ZNF385D: variants seen among roughly 807,000 people sequenced by gnomAD.
ZNF385D encodes the protein zinc finger protein 659.
ZNF385D carries 15 observed loss-of-function variants against 35.8 expected under a neutral mutation model. That is an observed-to-expected ratio of 0.42 (90% CI 0.28 to 0.64). The LOEUF is 0.64. Ranked by LOEUF, ZNF385D falls within the 30% of genes least tolerant of loss-of-function variation. The pLI is 0.23. For synonymous variants in ZNF385D, 212 were observed against 186.8 expected (o/e 1.13, Z -1.10); for missense variants, 474 against 494.6 (o/e 0.96, Z 0.39).
intron 2 of ZNF385D, among the ~76,000 whole-genome samples, chr3:22,292,149 A>C (rs1420558560): frequency 6.6e-6 from 1 of 151,944 alleles, no homozygotes; most frequent in East Asian, 1.9e-4. Flanking sequence ...ACTTTCTACC[A>C]CCTTTATTAT....
intron 2 of ZNF385D, among the ~76,000 whole-genome samples, chr3:21,639,042 A>G (rs2065526568): frequency 6.6e-6 from 1 of 152,128 alleles, no homozygotes; most frequent in South Asian, 2.1e-4. Context: ...GAGCAACTCT[A>G]ATTTGTTATG....
intron 4 of ZNF385D, among the ~76,000 whole-genome samples, chr3:21,447,986 C>T (rs912409996): frequency 6.6e-6 from 1 of 152,144 alleles, no homozygotes; most frequent in African/African-American, 2.4e-5. Flanking sequence ...CCCATCTGGA[C>T]TCAGGCATTT....
chr3:21,782,134 AC>A (rs1243934946), intron 3 of ZNF385D, among the ~76,000 whole-genome samples: 3 of 152,050 alleles, frequency 2.0e-5, no homozygotes, highest in African/African-American at 7.2e-5. Context: ...TCATTCAGAG[AC>A]AATGCTGCAT....
At chr3:22,033,974 C>T (rs1036298416) in intron 3 of ZNF385D, among the ~76,000 whole-genome samples, 6 of 152,290 alleles carry the variant, frequency 3.9e-5, no homozygotes, top group East Asian at 1.9e-4. Flanking sequence ...AAACCTGAGA[C>T]GGTTTGCTTA....
chr3:22,004,941 C>G (rs1421408782), intron 3 of ZNF385D, among the ~76,000 whole-genome samples: 1 of 151,518 alleles, frequency 6.6e-6, no homozygotes, highest in African/African-American at 2.4e-5. Flanking sequence ...ATCAGGACTT[C>G]CTGAGACTTT....
At chr3:22,006,901 A>T (rs1696244883) in intron 3 of ZNF385D, among the ~76,000 whole-genome samples, 1 of 152,060 alleles carries the variant, frequency 6.6e-6, no homozygotes, top group Admixed American at 6.5e-5. Flanking sequence ...GTGTTTTATA[A>T]GTCATTTAAG....
At chr3:22,349,745 A>AC (rs533639179) in intron 2 of ZNF385D, among the ~76,000 whole-genome samples, 243 of 149,016 alleles carry the variant, frequency 1.6e-3, no homozygotes, top group African/African-American at 5.8e-3. Flanking sequence ...TTCCAGTGCA[A>AC]TATTTATGGT....
chr3:22,265,983 T>C lies in ZNF385D; in HGVS notation c.107-96948A>G, dbSNP rs552694650. The stretch of plus-strand genomic sequence containing the variant: ...TGATTAAAATATGCTGTCTCTTCTA[T>C]ACTGGGACCAGCTAACTCTACAGGC... On this transcript the variant is annotated intron_variant, in intron 2 of 5. Transcript: ENST00000494108. Among the ~76,000 whole-genome samples the C allele has an allele frequency of 1.1e-4, 16 of 152,092 alleles. 1 individual carries two copies. The highest frequency in any genetic ancestry group is 1.9e-4 in the Non-Finnish European group (13 of 67,926).
At chr3:22,067,177 C>T (rs1700001400) in intron 3 of ZNF385D, among the ~76,000 whole-genome samples, 2 of 152,200 alleles carry the variant, frequency 1.3e-5, no homozygotes, top group African/African-American at 4.8e-5. Context: ...CTGTTTTATT[C>T]ATCACACTGC....
At chr3:22,094,409 T>TATATATATATATATATAA (rs1322231844) in intron 3 of ZNF385D, among the ~76,000 whole-genome samples, 1 of 80,490 alleles carries the variant, frequency 1.2e-5, no homozygotes, top group Non-Finnish European at 2.9e-5. Flanking sequence ...TATATATATA[T>TATATATATATATATATAA]AAAGGCATTT....
chr3:21,839,854 C>T (rs185929825), intron 3 of ZNF385D, among the ~76,000 whole-genome samples: 36 of 152,166 alleles, frequency 2.4e-4, no homozygotes, highest in Non-Finnish European at 2.9e-5. Flanking sequence ...ATCTCCAGGT[C>T]TCCCTCTACT....
chr3:21,593,752 A>T (rs1487257488), intron 2 of ZNF385D, among the ~76,000 whole-genome samples: 1 of 152,102 alleles, frequency 6.6e-6, no homozygotes. Context: ...AAGAAAATGT[A>T]ATCTGAAACC....
intron 3 of ZNF385D, among the ~76,000 whole-genome samples, chr3:21,932,730 T>A (rs572830707): frequency 2.6e-5 from 4 of 151,944 alleles, no homozygotes; most frequent in African/African-American, 9.7e-5. Context: ...GCAGAATAGG[T>A]GAACAGATTC....
At position 22,006,754 on chromosome 3, in the gene ZNF385D, T is replaced by G. The variant is rs1317465691; in HGVS notation, c.325+162063A>C. ...ACAATAAAAATTGGATAAAATATAA[T>G]AAACATCTCTTGAAATATATAAATG... On this transcript the variant is annotated intron_variant, in intron 3 of 5. Transcript: ENST00000494108. 3.3e-5 allele frequency among the ~76,000 whole-genome samples: 5 copies of G among 151,972 alleles called. No homozygotes were observed. The South Asian group carries it at 1.0e-3, about 32-fold the overall frequency.
chr3:21,667,351 G>A (rs1266870494), intron 1 of ZNF385D, among the ~76,000 whole-genome samples: 2 of 152,048 alleles, frequency 1.3e-5, no homozygotes, highest in African/African-American at 4.8e-5. Context: ...CAGTAGAGAC[G>A]GGTTTTTGCT....
chr3:21,786,555 A>G (rs913155587), intron 3 of ZNF385D, among the ~76,000 whole-genome samples: 1 of 152,190 alleles, frequency 6.6e-6, no homozygotes, highest in Non-Finnish European at 1.5e-5. Flanking sequence ...TTCTTAGTAC[A>G]TTATCTTTGA....
At chr3:21,432,045 T>A (rs934548671) in intron 5 of ZNF385D, among the ~76,000 whole-genome samples, 1 of 151,634 alleles carries the variant, frequency 6.6e-6, no homozygotes, top group Non-Finnish European at 1.5e-5. Flanking sequence ...CAAATACAAC[T>A]TTTTTTTTCA....
At chr3:21,558,323 T>C (rs555947885) in intron 3 of ZNF385D, among the ~76,000 whole-genome samples, 2 of 149,146 alleles carry the variant, frequency 1.3e-5, no homozygotes, top group African/African-American at 4.8e-5. Context: ...CATGCTGCTT[T>C]AAGTGTGTCC....
chr3:21,918,761 T>C (rs1700315278), intron 3 of ZNF385D, among the ~76,000 whole-genome samples: 1 of 152,204 alleles, frequency 6.6e-6, no homozygotes, highest in African/African-American at 2.4e-5. Flanking sequence ...GGCAGAAGTG[T>C]GCAGTGTTTA....
Sources: gnomAD v4.1 joint callset for allele counts (sites outside exome capture counted in the v4.1 genomes callset) on GRCh38, gnomAD v4.1.1 for gene constraint, MANE v1.5 for transcripts, NCBI Gene and HGNC (gene_info 2026-07-23, HGNC 2026-07-21) for gene names.